ADCY1: variants seen among roughly 807,000 people sequenced by gnomAD.
The protein encoded by ADCY1 is adenylate cyclase 1, also known as adenylate cyclase type 1.
In ADCY1, 28 loss-of-function variants were observed where a neutral mutation model predicts 105.4. That is an observed-to-expected ratio of 0.27 (90% CI 0.20 to 0.36). The LOEUF (loss-of-function observed/expected upper bound fraction) is 0.36. Ranked by LOEUF, ADCY1 falls within the 10% of genes least tolerant of loss-of-function variation. ADCY1 has a pLI of 1.00. For synonymous variants in ADCY1, 655 were observed against 623.8 expected, an observed-to-expected ratio of 1.05 and a Z score of -0.75; for missense variants, 977 against 1,434.2, an observed-to-expected ratio of 0.68 and a Z score of 5.15.
chr7:45,709,369 G>A (rs1785182680), intron 18 of ADCY1, among the ~76,000 whole-genome samples: 1 of 152,158 alleles, frequency 6.6e-6, no homozygotes, highest in South Asian at 2.1e-4. Context: ...CTGTGTCTCA[G>A]TGTCTGGTCA....
At chr7:45,665,385 G>C (rs935909977) in intron 8 of ADCY1, among the ~76,000 whole-genome samples, 32 of 152,174 alleles carry the variant, frequency 2.1e-4, no homozygotes, top group Admixed American at 1.8e-3. Flanking sequence ...CACCAGGTGG[G>C]GAACATGACA....
At position 45,677,968 on chromosome 7, in the gene ADCY1, A is replaced by G. The variant is rs1183662899; in HGVS notation, c.1705A>G (p.Ile569Val). 1 of 1,614,208 alleles carries G rather than the reference A, an allele frequency of 6.2e-7. No homozygotes were observed. The highest frequency in any genetic ancestry group is 1.1e-5 in the South Asian group (1 of 91,082). The change falls in exon 9 of 20, where the codon ATC (isoleucine) becomes GTC (valine). Residue 569 changes from isoleucine (I) to valine (V), a missense_variant. Physicochemically the swap from Ile to Val is conservative, Grantham distance 29. Around this residue, in one of 7 missense-constraint regions of ADCY1, gnomAD observed 275 missense variants for 362.1 expected, o/e 0.76. Coordinates refer to ENST00000297323, the MANE Select transcript of ADCY1 (RefSeq NM_021116.4). ...TTPGTRVNRY[I>V]SRLLEARQTE... ...CCCGGGCACTCGCGTCAACAGGTAC[A>G]TCAGCCGCCTCTTAGAAGCCCGCCA...
intron 14 of ADCY1, among the ~76,000 whole-genome samples, chr7:45,696,579 T>TTG (rs1464819682): frequency 6.6e-6 from 1 of 152,260 alleles, no homozygotes; most frequent in East Asian, 1.9e-4. Context: ...TGGCTAGTTG[T>TTG]TGTGGAAACA....
intron 5 of ADCY1, among the ~76,000 whole-genome samples, chr7:45,654,977 C>T (rs888883150): frequency 1.3e-5 from 2 of 152,190 alleles, no homozygotes; most frequent in Non-Finnish European, 2.9e-5. Flanking sequence ...GGCTTGGAGG[C>T]TGCTGCAGGC....
intron 19 of ADCY1, among the ~76,000 whole-genome samples, chr7:45,712,843 T>C (rs1785288740): frequency 6.6e-6 from 1 of 152,220 alleles, no homozygotes; most frequent in African/African-American, 2.4e-5. Context: ...TCATCCTTTA[T>C]CTTTTTCCTA....
chr7:45,698,586 C>T (rs561915845), intron 14 of ADCY1, among the ~76,000 whole-genome samples: 2 of 152,236 alleles, frequency 1.3e-5, no homozygotes, highest in East Asian at 1.9e-4. Flanking sequence ...GTTGGGTGCC[C>T]GGTGAACAAA....
chr7:45,697,588 C>A (rs955906424), intron 14 of ADCY1, among the ~76,000 whole-genome samples: 1 of 152,114 alleles, frequency 6.6e-6, no homozygotes, highest in African/African-American at 2.4e-5. Flanking sequence ...TGGGGTTTCT[C>A]CATGTTGGTC....
chr7:45,694,110 TATA>T (rs1161897909), intron 14 of ADCY1, among the ~76,000 whole-genome samples: 13 of 41,614 alleles, frequency 3.1e-4, no homozygotes, highest in African/African-American at 9.3e-4. Context: ...AAACTTAGAG[TATA>T]ATAAAAAAAA....
rs547352284 is a variant in ADCY1, at chr7:45,720,171, C to T, written c.*6176C>T. 1.7e-4 allele frequency: 26 copies of T among 152,078 alleles called. No homozygotes were observed. Among genetic ancestry groups the T allele is most frequent in the African/African-American group, 5.8e-4 (24 of 41,490 alleles). The allele number at this position is 152,078 out of a possible 1,614,324, so 9.4% of individuals were successfully genotyped here. A position where few individuals can be genotyped will look rare whatever the true frequency, so the allele number is the denominator to read the frequency against. On this transcript the variant is annotated 3_prime_UTR_variant, in exon 20 of 20. Transcript: ENST00000297323. ...GGAAGAGCAACAACAGACAGGTGAC[C>T]TTCTTGGGTTGTGCTTCACAATGGA...
At chr7:45,657,918 G>T in intron 6 of ADCY1, 33 bp downstream of exon 6, 1 of 1,502,372 alleles carries the variant, frequency 6.7e-7, no homozygotes. Flanking sequence ...AGGGGAGGGA[G>T]GTGGGTGATG....
Position 45,686,237 on chromosome 7 carries a change from A to G in ADCY1, c.2327+22A>G, listed in dbSNP as rs754372649. On this transcript the variant is annotated intron_variant, in intron 13 of 19. Transcript: ENST00000297323. The surrounding 1 kb of genome is among the most constrained non-coding windows in gnomAD (Gnocchi z 4.3). Reference sequence around the variant, plus strand: ...CTGGGTAAGTGTGTGGCTCCTCAAGAAAAAGGCCTAAGCAGCGGTGCTACT... The same window carrying G: ...CTGGGTAAGTGTGTGGCTCCTCAAGGAAAAGGCCTAAGCAGCGGTGCTACT... 6.2e-7 allele frequency: 1 copy of G among 1,606,624 alleles called. No individual in the cohort carries two copies. Among genetic ancestry groups the G allele is most frequent in the Non-Finnish European group, 8.5e-7 (1 of 1,175,798 alleles).
intron 8 of ADCY1, among the ~76,000 whole-genome samples, 191 bp from the exon 9 acceptor site, chr7:45,677,678 C>A (rs1297540913): frequency 6.6e-6 from 1 of 152,128 alleles, no homozygotes; most frequent in Non-Finnish European, 1.5e-5. Context: ...GGTGTGGGAA[C>A]CCCAACACTG....
In ADCY1 at chr7:45,703,805, T is replaced by G; in HGVS notation, c.2718+59T>G. 6.6e-7 allele frequency: 1 copy of G among 1,516,384 alleles called. No homozygotes were observed. The allele number at this position is 1,516,384 out of a possible 1,614,324, so 93.9% of individuals were successfully genotyped here. ...GGTTGTGGTGGTGCATCCTGTTGCG[T>G]GGGCAGAGCGTGTCTCACAATATGT... On this transcript the variant is annotated intron_variant, in intron 16 of 19. Transcript: ENST00000297323. The surrounding 1 kb of genome is among the most constrained non-coding windows in gnomAD (Gnocchi z 5.9).
At chr7:45,688,322 G>A (rs1784727024) in intron 14 of ADCY1, among the ~76,000 whole-genome samples, 1 of 152,196 alleles carries the variant, frequency 6.6e-6, no homozygotes. Context: ...TTGGCCACGG[G>A]CCTTGTGCAA....
intron 2 of ADCY1, among the ~76,000 whole-genome samples, chr7:45,607,785 A>G (rs1170219720): frequency 2.0e-5 from 3 of 152,108 alleles, no homozygotes; most frequent in Non-Finnish European, 4.4e-5. Flanking sequence ...ATTCTTTTTT[A>G]TGGCTGCATA....
At chr7:45,584,090 G>A (rs182659886) in intron 1 of ADCY1, among the ~76,000 whole-genome samples, 56 of 152,080 alleles carry the variant, frequency 3.7e-4, no homozygotes, top group African/African-American at 1.2e-3. Context: ...TAGAGCTACA[G>A]GAGTGCACCA....
At chr7:45,614,845 A>G (rs1793694249) in intron 3 of ADCY1, among the ~76,000 whole-genome samples, 1 of 152,226 alleles carries the variant, frequency 6.6e-6, no homozygotes, top group African/African-American at 2.4e-5. Context: ...GTAAATATAT[A>G]TGTATTCAGC....
intron 1 of ADCY1, among the ~76,000 whole-genome samples, chr7:45,587,041 C>G (rs539025143): frequency 2.0e-5 from 3 of 152,342 alleles, no homozygotes; most frequent in Admixed American, 6.5e-5. Flanking sequence ...AGAGACTGTG[C>G]TGGGGCAGCC....
At chr7:45,618,240 A>G (rs1031946242) in intron 3 of ADCY1, among the ~76,000 whole-genome samples, 4 of 152,254 alleles carry the variant, frequency 2.6e-5, no homozygotes, top group African/African-American at 4.8e-5. Context: ...AAAATGGATC[A>G]GACATAAATG....
Sources: gnomAD v4.1 joint callset for allele counts (sites outside exome capture counted in the v4.1 genomes callset) on GRCh38, gnomAD v4.1.1 for gene constraint, gnomAD v4.1.1 regional missense constraint, Gnocchi (gnomAD v3.1) non-coding constraint, MANE v1.5 for transcripts, NCBI Gene and HGNC (gene_info 2026-07-23, HGNC 2026-07-21) for gene names.